Variants in KLHL24 observed in about 807,000 individuals in gnomAD.
KLHL24 encodes kelch like family member 24.
In KLHL24, 29 loss-of-function variants were observed where a neutral mutation model predicts 53.4. That is an observed-to-expected ratio of 0.54 (90% CI 0.40 to 0.74). The LOEUF (loss-of-function observed/expected upper bound fraction) is 0.74, where lower values mean the gene tolerates loss of function less well. Ranked by LOEUF, KLHL24 falls within the 30% of genes least tolerant of loss-of-function variation. The probability of loss-of-function intolerance (pLI) is 0.00; values close to 1 mark genes in which losing one functional copy is unlikely to be tolerated. For synonymous variants in KLHL24, 222 were observed against 253.7 expected (o/e 0.88, Z 1.19); for missense variants, 504 against 744.0 (o/e 0.68, Z 3.75).
intron 5 of KLHL24, among the ~76,000 whole-genome samples, chr3:183,666,079 C>T (rs141660234): frequency 0.068 from 10,283 of 151,978 alleles, 1,203 homozygotes; most frequent in African/African-American, 0.24. Flanking sequence ...GGCAGGGTTT[C>T]GCCATGTTGG....
rs114871966 is a variant in KLHL24 at position 183,652,658 on chromosome 3, C to T, written c.920+1382C>T. Reference sequence around the variant, plus strand: ...ACTTAAATTTTGACTATCATTGTTTCGGAATGTTAAAAGTCAGCATACTGT... The same window carrying T: ...ACTTAAATTTTGACTATCATTGTTTTGGAATGTTAAAAGTCAGCATACTGT... On this transcript the variant is annotated intron_variant, in intron 3 of 7. Transcript: ENST00000242810. Among the ~76,000 whole-genome samples the T allele has an allele frequency of 7.4e-3, 1,122 of 152,100 alleles. 6 individuals carry two copies. The highest frequency in any genetic ancestry group is 0.014 in the Non-Finnish European group (922 of 67,986).
At chr3:183,638,435 A>T (rs191203905) in intron 1 of KLHL24, among the ~76,000 whole-genome samples, 3 of 135,246 alleles carry the variant, frequency 2.2e-5, no homozygotes, top group African/African-American at 9.3e-5. Context: ...AAGTGACCAC[A>T]GTTATTTTTG....
At chr3:183,672,192 G>A (rs577073976) in intron 6 of KLHL24, 104 bp from the exon 7 acceptor site, 173 of 550,386 alleles carry the variant, frequency 3.1e-4, no homozygotes, top group Non-Finnish European at 4.7e-4. Flanking sequence ...TGAATTAATA[G>A]GATTTTATTT....
At chr3:183,677,104 C>A (rs746874022) in intron 7 of KLHL24, among the ~76,000 whole-genome samples, 2 of 151,772 alleles carry the variant, frequency 1.3e-5, no homozygotes, top group Non-Finnish European at 2.9e-5. Flanking sequence ...GCTATTATAT[C>A]GGATAGAGGT....
Position 183,663,731 on chromosome 3 carries a change from G to A in KLHL24, c.1105+89G>A, listed in dbSNP as rs906020312. On this transcript the variant is annotated intron_variant, in intron 4 of 7. Transcript: ENST00000242810. This position sits in a 1 kb window ranked among gnomAD's most constrained non-coding sequence, Gnocchi z 4.9. ...CAACAGTGTCTTAAAATAGTGAAAT[G>A]TGAATACTCCCACTTGAGGAAGATC... is the stretch of plus-strand genomic sequence containing the variant. 4 of 666,638 alleles carry A rather than the reference G, an allele frequency of 6.0e-6. No individual in the cohort carries two copies. Among genetic ancestry groups the A allele is most frequent in the African/African-American group, 1.9e-5 (1 of 53,436 alleles). The allele number at this position is 666,638 out of a possible 1,614,324, so 41.3% of individuals were successfully genotyped here. A position where few individuals can be genotyped will look rare whatever the true frequency, so the allele number is the denominator to read the frequency against.
chr3:183,655,484 C>A (rs1381124736), intron 3 of KLHL24, among the ~76,000 whole-genome samples: 2 of 152,074 alleles, frequency 1.3e-5, no homozygotes, highest in African/African-American at 4.8e-5. Context: ...AAAAAATTAG[C>A]TAGGCATTGT....
Position 183,679,548 on chromosome 3 carries a change from GA to G in KLHL24, c.*264del. On this transcript the variant is annotated 3_prime_UTR_variant, in exon 8 of 8. Coordinates refer to ENST00000242810, the MANE Select transcript of KLHL24 (RefSeq NM_017644.3). ...AGTGTACCTTTGTAAGTATTTGTAA[GA>G]AGTCTATGTGAATTAGGAAATGTCT... 1 of 397,036 alleles carries G rather than the reference GA, an allele frequency of 2.5e-6. No homozygotes were observed. Among genetic ancestry groups the G allele is most frequent in the East Asian group, 4.9e-5 (1 of 20,550 alleles). 24.6% of individuals were successfully genotyped at this position (397,036 alleles called of 1,614,324 possible). A position where few individuals can be genotyped will look rare whatever the true frequency, so the allele number is the denominator to read the frequency against.
At chr3:183,665,369 C>G (rs1015319396) in intron 5 of KLHL24, among the ~76,000 whole-genome samples, 3 of 152,192 alleles carry the variant, frequency 2.0e-5, no homozygotes, top group African/African-American at 7.2e-5. Context: ...AGTTTGTTTT[C>G]TTTTTACTAA....
At chr3:183,654,025 C>T (rs550377925) in intron 3 of KLHL24, among the ~76,000 whole-genome samples, 1 of 152,220 alleles carries the variant, frequency 6.6e-6, no homozygotes, top group Non-Finnish European at 1.5e-5. Context: ...GTCTCCACTT[C>T]TTCGACAGCA....
chr3:183,652,935 A>G (rs1490640609), intron 3 of KLHL24, among the ~76,000 whole-genome samples: 1 of 152,194 alleles, frequency 6.6e-6, no homozygotes, highest in Non-Finnish European at 1.5e-5. Context: ...CAAGGGTTAT[A>G]TGTTGTAAAA....
rs368382043 is a variant in KLHL24 at position 183,671,268 on chromosome 3, A to C, written c.1413+46A>C. ...GAAATTACCAATATTAAGTACAAGA[A>C]GGGAAATACAGAAGGCTTATCAAGT... On this transcript the variant is annotated intron_variant, in intron 6 of 7. Coordinates refer to ENST00000242810, the MANE Select transcript of KLHL24 (RefSeq NM_017644.3). The C allele has an allele frequency of 4.5e-6, 7 of 1,541,010 alleles. No homozygotes were observed. In the African/African-American group the frequency reaches 9.6e-5, roughly 21 times the overall value.
At chr3:183,665,623 G>A (rs897825769) in intron 5 of KLHL24, among the ~76,000 whole-genome samples, 69 of 152,034 alleles carry the variant, frequency 4.5e-4, no homozygotes, top group African/African-American at 1.6e-3. Flanking sequence ...GGTGGCGGGT[G>A]CCTGTAGTCC....
intron 3 of KLHL24, among the ~76,000 whole-genome samples, chr3:183,661,965 G>C (rs1560171666): frequency 6.6e-6 from 1 of 152,078 alleles, no homozygotes; most frequent in Non-Finnish European, 1.5e-5. Flanking sequence ...ATACTTATAT[G>C]GAAAGAATGA....
intron 3 of KLHL24, among the ~76,000 whole-genome samples, chr3:183,660,406 C>CT (rs989917930): frequency 5.9e-5 from 9 of 152,164 alleles, no homozygotes; most frequent in Middle Eastern, 3.4e-3. Flanking sequence ...AGTATTCTCT[C>CT]TTTTTTTCTG....
At chr3:183,642,251 G>A (rs564419439) in intron 1 of KLHL24, among the ~76,000 whole-genome samples, 1 of 152,218 alleles carries the variant, frequency 6.6e-6, no homozygotes, top group South Asian at 2.1e-4. Flanking sequence ...ACTTAGCTAG[G>A]AGTAACAATT....
At position 183,684,499 on chromosome 3, in the gene KLHL24, T is replaced by C. The variant is rs556844071; in HGVS notation, c.*5213T>C. ...ATTATTACTTGACTATATGGTTGTA[T>C]TAAATTTTGTTTACGAAAAATTTGT... On this transcript the variant is annotated 3_prime_UTR_variant, in exon 8 of 8. Coordinates refer to ENST00000242810, the MANE Select transcript of KLHL24 (RefSeq NM_017644.3). 2.4e-4 allele frequency: 36 copies of C among 152,778 alleles called. No individual in the cohort carries two copies. Among genetic ancestry groups the C allele is most frequent in the African/African-American group, 8.7e-4 (36 of 41,586 alleles). The allele number at this position is 152,778 out of a possible 1,614,324, so 9.5% of individuals were successfully genotyped here.
At chr3:183,658,465 A>G (rs1458881458) in intron 3 of KLHL24, among the ~76,000 whole-genome samples, 5 of 152,088 alleles carry the variant, frequency 3.3e-5, no homozygotes, top group African/African-American at 7.2e-5. Flanking sequence ...TATTTAATCA[A>G]TCTCTTTATG....
chr3:183,665,071 G>T (rs772468899), intron 5 of KLHL24, 32 bp downstream of exon 5: 7 of 1,114,452 alleles, frequency 6.3e-6, no homozygotes, highest in South Asian at 2.6e-5. Flanking sequence ...TACTATTGCT[G>T]GTACCTTTCC....
At chr3:183,646,979 T>TTTC (rs1214601495) in intron 2 of KLHL24, among the ~76,000 whole-genome samples, 2 of 149,954 alleles carry the variant, frequency 1.3e-5, no homozygotes, top group African/African-American at 4.9e-5. Flanking sequence ...CCAGCTAATT[T>TTTC]TTTTTTTTTT....
Sources: allele counts gnomAD v4.1 joint callset (sites outside exome capture counted in the v4.1 genomes callset), GRCh38; gene constraint gnomAD v4.1.1; non-coding constraint Gnocchi (gnomAD v3.1); transcripts MANE v1.5; gene names NCBI Gene and HGNC (gene_info 2026-07-23, HGNC 2026-07-21).